RGS20: variants seen among roughly 807,000 people sequenced by gnomAD.
The protein encoded by RGS20 is gz-selective GTPase-activating protein.
A neutral mutation model predicts 33.6 loss-of-function variants in RGS20; 30 were observed. That is an observed-to-expected ratio of 0.89 (90% confidence interval 0.67 to 1.21). The LOEUF is 1.21. Among genes scored for constraint, RGS20 ranks in the 50% most tolerant of loss-of-function variants. RGS20 has a pLI of 0.00. For missense variants in RGS20, 472 were observed against 502.4 expected (o/e 0.94, Z 0.58); for synonymous variants, 208 against 197.9 (o/e 1.05, Z -0.43).
At chr8:53,895,423 C>T (rs1249792408) in intron 2 of RGS20, among the ~76,000 whole-genome samples, 1 of 152,146 alleles carries the variant, frequency 6.6e-6, no homozygotes, top group Non-Finnish European at 1.5e-5. Context: ...GCCTGCTGTA[C>T]TGTGGTACGC....
intron 5 of RGS20, among the ~76,000 whole-genome samples, chr8:53,954,666 A>C (rs2129294433): frequency 6.6e-6 from 1 of 151,150 alleles, no homozygotes; most frequent in Non-Finnish European, 1.5e-5. Context: ...CTCCATCTCA[A>C]AAAACTAAAC....
intron 1 of RGS20, chr8:53,879,157 C>A: frequency 1.1e-6 from 1 of 948,130 alleles, no homozygotes; most frequent in Non-Finnish European, 1.6e-6. Flanking sequence ...CTCTTGCACC[C>A]CCAAAGTAAC....
At chr8:53,955,021 C>A (rs1213628629) in intron 5 of RGS20, among the ~76,000 whole-genome samples, 2 of 151,392 alleles carry the variant, frequency 1.3e-5, no homozygotes, top group African/African-American at 4.8e-5. Flanking sequence ...GAAAAATGCA[C>A]AAAATTTTTC....
intron 1 of RGS20, among the ~76,000 whole-genome samples, chr8:53,852,975 A>G (rs560117344): frequency 6.6e-6 from 1 of 152,312 alleles, no homozygotes; most frequent in African/African-American, 2.4e-5. Flanking sequence ...CTTTTTCTGT[A>G]AAAATATACG....
intron 2 of RGS20, among the ~76,000 whole-genome samples, chr8:53,928,429 T>C (rs559956971): frequency 4.6e-4 from 70 of 152,322 alleles, no homozygotes; most frequent in African/African-American, 1.6e-3. Flanking sequence ...TCTGTACACT[T>C]ACTTATCGAA....
chr8:53,941,907 CT>C (rs1814308836), intron 3 of RGS20, among the ~76,000 whole-genome samples: 1 of 152,066 alleles, frequency 6.6e-6, no homozygotes, highest in Non-Finnish European at 1.5e-5. Flanking sequence ...GGTCATCCTG[CT>C]TGGTATCCAA....
chr8:53,874,563 A>G (rs765418698), intron 1 of RGS20, among the ~76,000 whole-genome samples: 6 of 152,208 alleles, frequency 3.9e-5, no homozygotes, highest in Non-Finnish European at 7.3e-5. Context: ...TTCATTCTGA[A>G]GTCCACAGGA....
intron 1 of RGS20, among the ~76,000 whole-genome samples, chr8:53,855,097 C>A (rs1223030354): frequency 6.6e-6 from 1 of 152,058 alleles, no homozygotes; most frequent in Non-Finnish European, 1.5e-5. Context: ...CGGAGTCTTG[C>A]TCTGTCGCCC....
At chr8:53,904,329 G>A (rs1020641771) in intron 2 of RGS20, among the ~76,000 whole-genome samples, 5 of 151,900 alleles carry the variant, frequency 3.3e-5, no homozygotes, top group Admixed American at 1.3e-4. Context: ...ATGGGATTTC[G>A]CCATGTTGGC....
At chr8:53,879,883 C>T (rs901197683) in intron 2 of RGS20, 2 of 381,146 alleles carry the variant, frequency 5.2e-6, no homozygotes, top group Non-Finnish European at 9.3e-6. Context: ...CGCTCTTCCC[C>T]GAGGCTGCCT....
intron 2 of RGS20, among the ~76,000 whole-genome samples, chr8:53,881,945 G>C (rs370461123): frequency 6.6e-6 from 1 of 152,136 alleles, no homozygotes; most frequent in African/African-American, 2.4e-5. Flanking sequence ...GCAGGCTGCA[G>C]CTGGGGACCG....
chr8:53,934,282 C>T (rs1264222168), intron 2 of RGS20, among the ~76,000 whole-genome samples: 5 of 152,150 alleles, frequency 3.3e-5, no homozygotes, highest in African/African-American at 1.2e-4. Context: ...TGTAAACAGG[C>T]TAAATGCCCC....
intron 2 of RGS20, among the ~76,000 whole-genome samples, chr8:53,907,936 TACTC>T (rs1354450402): frequency 6.6e-6 from 1 of 152,060 alleles, no homozygotes; most frequent in Non-Finnish European, 1.5e-5. Flanking sequence ...GACCCTGAAA[TACTC>T]ACAATGCCAG....
Position 53,954,268 on chromosome 8 carries a change from G to A in RGS20, c.936G>A (p.Arg312=). The change falls in exon 5 of 6, where the codon AGG becomes AGA. Residue 312 remains arginine (R), a synonymous_variant. Coordinates refer to ENST00000297313, the MANE Select transcript of RGS20 (RefSeq NM_170587.4). ...AAAACATTATTGAAGAGAAAGCAAGGATAATCTATGAAGACTACATTTCTA... is the reference window on the plus strand; with the variant it reads ...AAAACATTATTGAAGAGAAAGCAAGAATAATCTATGAAGACTACATTTCTA... The A allele has an allele frequency of 6.2e-7, 1 of 1,613,066 alleles. No homozygotes were observed. Among genetic ancestry groups the A allele is most frequent in the Non-Finnish European group, 8.5e-7 (1 of 1,179,140 alleles).
rs950477399 is a variant in RGS20 at position 53,860,527 on chromosome 8, A to G, written c.165+8463A>G. 2.6e-5 allele frequency among the ~76,000 whole-genome samples: 4 copies of G among 152,354 alleles called. No individual in the cohort carries two copies. The East Asian group carries it at 5.8e-4, about 22-fold the overall frequency. ...GGAAATAGCAAGGAGGCAGGAGGCT[A>G]GCAGCCCAGGAACCTCAGACCAGGA... On this transcript the variant is annotated intron_variant, in intron 1 of 5. Coordinates refer to ENST00000297313, the MANE Select transcript of RGS20 (RefSeq NM_170587.4).
At chr8:53,908,519 A>G (rs1813246397) in intron 2 of RGS20, among the ~76,000 whole-genome samples, 1 of 152,132 alleles carries the variant, frequency 6.6e-6, no homozygotes, top group Non-Finnish European at 1.5e-5. Context: ...AGGTGCCTGT[A>G]ATCCCAGCTA....
chr8:53,866,645 G>A (rs917140383), intron 1 of RGS20, among the ~76,000 whole-genome samples: 1 of 152,166 alleles, frequency 6.6e-6, no homozygotes. Flanking sequence ...GCCTCTCAAA[G>A]TTCTGGGATT....
At chr8:53,950,183 GAAATA>G (rs1203409702) in intron 4 of RGS20, among the ~76,000 whole-genome samples, 1 of 152,000 alleles carries the variant, frequency 6.6e-6, no homozygotes, top group African/African-American at 2.4e-5. Context: ...GATTTGAAAA[GAAATA>G]AAATAGAAGT....
chr8:53,881,057 CCCGG>C, intron 2 of RGS20: 1 of 1,552,284 alleles, frequency 6.4e-7, no homozygotes, highest in Non-Finnish European at 8.6e-7. Flanking sequence ...GGGCTTCCTC[CCCGG>C]CCGGCAGGGT....
Sources: gnomAD v4.1 joint callset for allele counts (sites outside exome capture counted in the v4.1 genomes callset) on GRCh38, gnomAD v4.1.1 for gene constraint, MANE v1.5 for transcripts, NCBI Gene and HGNC (gene_info 2026-07-23, HGNC 2026-07-21) for gene names.